The following VWF variants were observed in gnomAD, a reference collection of about 807,000 sequenced individuals.
The protein encoded by VWF is Factor VIII related antigen.
A neutral mutation model predicts 308.6 loss-of-function variants in VWF; 176 were observed. The observed-to-expected ratio is 0.57, with a 90% CI of 0.50 to 0.65. The LOEUF (loss-of-function observed/expected upper bound fraction) is 0.65. VWF is among the 30% of genes least tolerant of loss of function. VWF has a pLI of 0.00. For synonymous variants in VWF, 1,385 were observed against 1,443.4 expected, an observed-to-expected ratio of 0.96 and a Z score of 0.92; for missense variants, 3,146 against 3,648.2, an observed-to-expected ratio of 0.86 and a Z score of 3.55.
At chr12:6,052,011 C>T (rs191726123) in intron 16 of VWF, among the ~76,000 whole-genome samples, 3 of 152,298 alleles carry the variant, frequency 2.0e-5, no homozygotes, top group Admixed American at 6.5e-5. Context: ...ATTTCTTCCA[C>T]GCTCATGGCA....
intron 3 of VWF, among the ~76,000 whole-genome samples, chr12:6,115,096 A>G (rs1413846272): frequency 1.3e-5 from 2 of 152,156 alleles, no homozygotes; most frequent in Non-Finnish European, 2.9e-5. Context: ...ACATGTAGTG[A>G]TATGATCACA....
intron 5 of VWF, among the ~76,000 whole-genome samples, chr12:6,106,834 C>G (rs1239499624): frequency 2.3e-5 from 3 of 133,048 alleles, no homozygotes; most frequent in Non-Finnish European, 4.6e-5. Context: ...GAGATCACAC[C>G]ATTGCACTGC....
At position 6,046,737 on chromosome 12, in the gene VWF, G is replaced by T; in HGVS notation, c.2267C>A (p.Pro756His). ...SLLPDAVLSS[P>H]LSHRSKRSLS... ...ACAGTACTCACTGCGATGAGACAGG[G>T]GACTGCTGAGGACAGCGTCAGGCAG... The change falls in exon 17 of 52, where the codon CCC becomes CAC. Residue 756 changes from proline to histidine, a missense_variant. This residue lies in a region of VWF where 1,304 missense variants were observed against 1,353.0 expected (regional missense o/e 0.96). Coordinates refer to ENST00000261405, the MANE Select transcript of VWF (RefSeq NM_000552.5). The surrounding 1 kb of genome is among the most constrained non-coding windows in gnomAD (Gnocchi z 5.0). 2.5e-6 allele frequency: 4 copies of T among 1,614,112 alleles called. No individual in the cohort carries two copies. Among genetic ancestry groups the T allele is most frequent in the Non-Finnish European group, 3.4e-6 (4 of 1,180,016 alleles).
Position 6,062,964 on chromosome 12 carries a change from A to C in VWF, c.1523T>G (p.Leu508Arg). ...LQMDWDGRGR[L>R]LVKLSPVYAG... ...CGTGAGGGCACCTACCTTCACCAGC[A>C]GCCTCCCGCGGCCATCCCAGTCCAT... The change falls in exon 13 of 52, where the codon CTG (leucine) becomes CGG (arginine). Residue 508 changes from leucine (L) to arginine (R), a missense_variant. Physicochemically the swap from Leu to Arg is moderately radical, Grantham distance 102 (BLOSUM62 -2). Transcript: ENST00000261405. 6.2e-7 allele frequency: 1 copy of C among 1,612,674 alleles called. No homozygotes were observed. Among genetic ancestry groups the C allele is most frequent in the Non-Finnish European group, 8.5e-7 (1 of 1,179,974 alleles).
chr12:5,956,287 A>C (rs1470664689), intron 47 of VWF, among the ~76,000 whole-genome samples: 1 of 152,230 alleles, frequency 6.6e-6, no homozygotes, highest in Non-Finnish European at 1.5e-5. Flanking sequence ...AAATATAAAA[A>C]GTTAACTGTA....
rs553537150 is a variant in VWF at position 6,063,015 on chromosome 12, C to T, written c.1472G>A (p.Arg491His). ...RIQHTVTASV[R>H]LSYGEDLQMD... ...CTGCAGGTCCTCCCCGTAGCTGAGG[C>T]GCACGGAGGCCGTCACTGTATGCTG... Residue 491 changes from arginine to histidine, a missense_variant, in exon 13 of 52, where the codon CGC (arginine) becomes CAC (histidine). Physicochemically the swap from Arg to His is conservative, Grantham distance 29. Coordinates refer to ENST00000261405, the MANE Select transcript of VWF (RefSeq NM_000552.5). The surrounding 1 kb of genome is among the most constrained non-coding windows in gnomAD (Gnocchi z 4.9). The T allele has an allele frequency of 5.3e-5, 86 of 1,613,532 alleles. No individual in the cohort carries two copies. The highest frequency in any genetic ancestry group is 6.7e-5 in the Admixed American group (4 of 60,004).
intron 34 of VWF, among the ~76,000 whole-genome samples, chr12:6,006,728 G>A (rs1288140572): frequency 2.0e-5 from 3 of 152,082 alleles, no homozygotes; most frequent in Non-Finnish European, 4.4e-5. Context: ...GCAGTGAGCC[G>A]AGATCGAGCC....
Position 5,966,291 on chromosome 12 carries a change from G to GCA in VWF, c.7887+1193_7887+1194dup, listed in dbSNP as rs1325769771. 4.6e-4 allele frequency among the ~76,000 whole-genome samples: 49 copies of GCA among 106,072 alleles called. 1 individual carries two copies. Among genetic ancestry groups the GCA allele is most frequent in the Middle Eastern group, 5.3e-3 (1 of 188 alleles). 69.6% of individuals were successfully genotyped at this position (106,072 alleles called of 152,430 possible). A position where few individuals can be genotyped will look rare whatever the true frequency, so the allele number is the denominator to read the frequency against. The stretch of plus-strand genomic sequence containing the variant: ...TGTTACACAATACACACACACACAC[G>GCA]CACACACACACGTGTGCACACAACT... On this transcript the variant is annotated intron_variant, in intron 47 of 51. Coordinates refer to ENST00000261405, the MANE Select transcript of VWF (RefSeq NM_000552.5).
Position 6,018,846 on chromosome 12 carries a change from C to T in VWF, c.4572G>A (p.Val1524=), listed in dbSNP as rs1322771971. ...CCTGGCCCACATCCATCCGCTGAAT[C>T]ACCTCCTCCATGAACTCCTTGCTCC... ...FNRSKEFMEE[V]IQRMDVGQDS... is the part of the protein sequence containing the mutation. The change falls in exon 28 of 52, where the codon GTG becomes GTA. Residue 1524 remains valine, a synonymous_variant. Transcript: ENST00000261405. 6.2e-7 allele frequency: 1 copy of T among 1,613,956 alleles called. No individual in the cohort carries two copies. The highest frequency in any genetic ancestry group is 8.5e-7 in the Non-Finnish European group (1 of 1,179,872).
rs765610294 is a variant in VWF, at chr12:5,949,881, C to T, written c.8158G>A (p.Glu2720Lys). The T allele has an allele frequency of 6.2e-7, 1 of 1,613,234 alleles. No homozygotes were observed. The highest frequency in any genetic ancestry group is 8.5e-7 in the Non-Finnish European group (1 of 1,180,004). Residue 2720 changes from glutamate to lysine, a missense_variant and splice_region_variant, in exon 51 of 52, where the codon GAG (glutamate) becomes AAG (lysine). By Grantham distance (56) the Glu-to-Lys change is moderately conservative (BLOSUM62 1). Coordinates refer to ENST00000261405, the MANE Select transcript of VWF (RefSeq NM_000552.5). The stretch of plus-strand genomic sequence containing the variant: ...GTGATGTCGTTGCACTCAGGCTCCT[C>T]ACCTACAGGACAGGTGAGAGATGAA... The part of the protein sequence containing the change: ...KIPGTCCDTC[E>K]EPECNDITAR...
intron 9 of VWF, 59 bp downstream of exon 9, chr12:6,072,272 G>A: frequency 6.5e-7 from 1 of 1,536,276 alleles, no homozygotes; most frequent in South Asian, 1.1e-5. Context: ...TGCTGACCCA[G>A]CTTCCCTCCC....
Position 6,057,830 on chromosome 12 carries a change from T to G in VWF, c.1729+19A>C. On this transcript the variant is annotated intron_variant, in intron 14 of 51. Transcript: ENST00000261405. ...TCGAGATTCTGCGAGGTCCCTGCCT[T>G]GCCCCCGGGTTCACATACTCATGCG... 6.3e-7 allele frequency: 1 copy of G among 1,593,806 alleles called. No homozygotes were observed. Among genetic ancestry groups the G allele is most frequent in the Non-Finnish European group, 8.5e-7 (1 of 1,169,854 alleles).
chr12:6,070,360 C>T (rs1263599793), intron 10 of VWF, among the ~76,000 whole-genome samples: 1 of 152,146 alleles, frequency 6.6e-6, no homozygotes, highest in Non-Finnish European at 1.5e-5. Context: ...AACTCACAGA[C>T]CCTAAATACA....
In VWF at chr12:6,057,008, G is replaced by T; in HGVS notation, c.1794C>A (p.Ala598=). 1.3e-6 allele frequency: 2 copies of T among 1,549,324 alleles called. No homozygotes were observed. The highest frequency in any genetic ancestry group is 1.4e-5 in the African/African-American group (1 of 73,760). ...TCCGCAGGTAGGGCAGCGGGCTGAC[G>T]GCACGATGGCAGGCCTCGAATGTGG... is the stretch of plus-strand genomic sequence containing the variant. ...TSPTFEACHR[A]VSPLPYLRNC... is the part of the protein sequence containing the mutation. The change falls in exon 15 of 52, where the codon GCC becomes GCA. Residue 598 remains alanine (A), a synonymous_variant. Transcript: ENST00000261405.
At chr12:6,004,646 A>C (rs1591854416) in intron 34 of VWF, among the ~76,000 whole-genome samples, 1 of 151,954 alleles carries the variant, frequency 6.6e-6, no homozygotes, top group East Asian at 1.9e-4. Flanking sequence ...CCATGATAAA[A>C]CTAACTCAAT....
At chr12:6,117,093 T>C (rs1251805690) in intron 3 of VWF, among the ~76,000 whole-genome samples, 1 of 152,134 alleles carries the variant, frequency 6.6e-6, no homozygotes, top group African/African-American at 2.4e-5. Flanking sequence ...ACCCATTCTC[T>C]ATGATGTTAG....
Position 5,990,911 on chromosome 12 carries a change from T to G in VWF, c.6798+908A>C, listed in dbSNP as rs1352433165. Among the ~76,000 whole-genome samples, 17 of 113,746 alleles carry G rather than the reference T, an allele frequency of 1.5e-4. No individual in the cohort carries two copies. In the East Asian group the frequency reaches 2.1e-3, roughly 14 times the overall value. 74.6% of individuals were successfully genotyped at this position (113,746 alleles called of 152,430 possible). On this transcript the variant is annotated intron_variant, in intron 38 of 51. Transcript: ENST00000261405. ...AAAAAAAAAAAAAAAAAAAAAAATT[T>G]TGATGACTCAGTGACTCCCAAGCAA...
rs11829469 is a variant in VWF, at chr12:6,072,160, A to G, written c.1109+171T>C. Among the ~76,000 whole-genome samples, 1,050 of 152,144 alleles carry G rather than the reference A, an allele frequency of 6.9e-3. 8 individuals are homozygous for G. The highest frequency in any genetic ancestry group is 0.022 in the African/African-American group (925 of 41,478). ...ATCTGTAATATACTCTTTGCTCCCCATCATTGCCTGCCACACCTGTCCCTA... is the reference window on the plus strand; with the variant it reads ...ATCTGTAATATACTCTTTGCTCCCCGTCATTGCCTGCCACACCTGTCCCTA... On this transcript the variant is annotated intron_variant, in intron 9 of 51. Coordinates refer to ENST00000261405, the MANE Select transcript of VWF (RefSeq NM_000552.5).
intron 16 of VWF, among the ~76,000 whole-genome samples, chr12:6,050,353 T>C (rs546762450): frequency 2.6e-5 from 4 of 152,314 alleles, no homozygotes; most frequent in African/African-American, 9.6e-5. Flanking sequence ...CGCTACCTTC[T>C]TATCGGTCAA....
Sources: allele counts gnomAD v4.1 joint callset (sites outside exome capture counted in the v4.1 genomes callset), GRCh38; gene constraint gnomAD v4.1.1; regional missense constraint gnomAD v4.1.1; non-coding constraint Gnocchi (gnomAD v3.1); transcripts MANE v1.5; gene names NCBI Gene and HGNC (gene_info 2026-07-23, HGNC 2026-07-21).